The following IMPG2 variants were observed in gnomAD, a reference collection of about 807,000 sequenced individuals.
IMPG2 encodes the protein interphotoreceptor matrix proteoglycan 2, also known as IPM 200.
A neutral mutation model predicts 129.2 loss-of-function variants in IMPG2; 91 were observed. That is an observed-to-expected ratio of 0.70 (90% CI 0.59 to 0.84). The LOEUF (loss-of-function observed/expected upper bound fraction) is 0.84. IMPG2 is among the 40% of genes least tolerant of loss of function. The probability of loss-of-function intolerance (pLI) is 0.00; values close to 1 mark genes in which losing one functional copy is unlikely to be tolerated. For synonymous variants in IMPG2, 510 were observed against 517.7 expected, an observed-to-expected ratio of 0.99 and a Z score of 0.20; for missense variants, 1,430 against 1,461.7, an observed-to-expected ratio of 0.98 and a Z score of 0.35.
At chr3:101,310,162 C>G (rs1188798312) in intron 2 of IMPG2, among the ~76,000 whole-genome samples, 1 of 152,130 alleles carries the variant, frequency 6.6e-6, no homozygotes, top group South Asian at 2.1e-4. Context: ...GTAAATTTCA[C>G]CTTTAAGAAA....
chr3:101,281,728 C>T (rs991676207), intron 4 of IMPG2, among the ~76,000 whole-genome samples: 3 of 152,108 alleles, frequency 2.0e-5, no homozygotes, highest in African/African-American at 7.2e-5. Flanking sequence ...CCAGTAGGCT[C>T]CATGTAATCA....
At chr3:101,304,360 G>C in intron 2 of IMPG2, 48 bp from the exon 3 acceptor site, 1 of 1,539,800 alleles carries the variant, frequency 6.5e-7, no homozygotes, top group Non-Finnish European at 9.0e-7. Context: ...CATGCTCTGG[G>C]GTTCTTACAA....
chr3:101,252,820 C>A (rs1210041485), intron 11 of IMPG2, among the ~76,000 whole-genome samples: 6 of 152,062 alleles, frequency 3.9e-5, no homozygotes, highest in African/African-American at 1.4e-4. Flanking sequence ...GAATTTCCAT[C>A]GCTCCATTAA....
chr3:101,239,308 T>A (rs532783824), intron 14 of IMPG2, among the ~76,000 whole-genome samples: 92 of 152,128 alleles, frequency 6.0e-4, no homozygotes, highest in Non-Finnish European at 1.1e-3. Flanking sequence ...AAGAAAACAT[T>A]TATGCAGCTA....
intron 2 of IMPG2, among the ~76,000 whole-genome samples, chr3:101,318,120 A>G (rs921319123): frequency 6.7e-6 from 1 of 149,912 alleles, no homozygotes; most frequent in South Asian, 2.1e-4. Flanking sequence ...TGGGCGACAG[A>G]ATGTGAGTAT....
chr3:101,265,248 G>T (rs1386209198), intron 9 of IMPG2, among the ~76,000 whole-genome samples: 1 of 151,856 alleles, frequency 6.6e-6, no homozygotes, highest in Non-Finnish European at 1.5e-5. Context: ...GCAATCCTAA[G>T]AAAAAATAAC....
rs75852013 is a variant in IMPG2, at chr3:101,226,088, A to G, written c.*881T>C. On this transcript the variant is annotated 3_prime_UTR_variant, in exon 19 of 19. Coordinates refer to ENST00000193391, the MANE Select transcript of IMPG2 (RefSeq NM_016247.4). ...TTTGCCCAAGACATCTTTAGATTTC[A>G]GAAGCAATCAGGGAACCTCAGTCCA... The G allele has an allele frequency of 0.13, 20,130 of 154,134 alleles. 1,389 individuals are homozygous for G. The highest frequency in any genetic ancestry group is 0.18 in the Middle Eastern group (350 of 1,926). 9.5% of individuals were successfully genotyped at this position (154,134 alleles called of 1,614,324 possible).
At chr3:101,289,183 A>G (rs779113010) in intron 4 of IMPG2, among the ~76,000 whole-genome samples, 1 of 152,152 alleles carries the variant, frequency 6.6e-6, no homozygotes, top group Admixed American at 6.5e-5. Flanking sequence ...ATTTTGTGCA[A>G]TTACTGATTT....
chr3:101,319,793 T>C lies in IMPG2; in HGVS notation c.125A>G (p.Lys42Arg). 1.2e-6 allele frequency: 2 copies of C among 1,613,128 alleles called. No individual in the cohort carries two copies. The highest frequency in any genetic ancestry group is 1.7e-6 in the Non-Finnish European group (2 of 1,179,606). ...YLSIEEIQEP[K>R]SAVSFLLPEE... ...AGGCAGGAGAAAAGAAACTGCACTC[T>C]TGGGTTCTTGGATCTCCTCTATAGA... is the stretch of plus-strand genomic sequence containing the variant. The change falls in exon 2 of 19, where the codon AAG (lysine) becomes AGG (arginine). Residue 42 changes from lysine (K) to arginine (R), a missense_variant. Coordinates refer to ENST00000193391, the MANE Select transcript of IMPG2 (RefSeq NM_016247.4).
intron 16 of IMPG2, among the ~76,000 whole-genome samples, chr3:101,230,127 G>A (rs1247327291): frequency 1.3e-5 from 2 of 152,186 alleles, no homozygotes; most frequent in Admixed American, 1.3e-4. Context: ...ACAGTCTAAT[G>A]AAAAGTCAGA....
At chr3:101,308,289 C>T (rs954567127) in intron 2 of IMPG2, among the ~76,000 whole-genome samples, 3 of 152,248 alleles carry the variant, frequency 2.0e-5, no homozygotes, top group Non-Finnish European at 2.9e-5. Context: ...TGTGGGGCCC[C>T]AACCCCACAT....
In IMPG2 at chr3:101,320,289, T is replaced by A; in HGVS notation, c.84A>T (p.Thr28=). Residue 28 remains threonine (T), a splice_region_variant and synonymous_variant, in exon 1 of 19, where the codon ACA becomes ACT. Transcript: ENST00000193391. ...VLIEGDFPSL[T]AQTYLSIEEI... ...AAACAAATGTAGATTTTTAAATACC[T>A]GTTAATGATGGAAAGTCTCCTTCTA... 6.6e-7 allele frequency: 1 copy of A among 1,514,248 alleles called. No homozygotes were observed. Among genetic ancestry groups the A allele is most frequent in the Non-Finnish European group, 9.2e-7 (1 of 1,090,108 alleles). The allele number at this position is 1,514,248 out of a possible 1,614,324, so 93.8% of individuals were successfully genotyped here.
intron 16 of IMPG2, among the ~76,000 whole-genome samples, chr3:101,230,716 T>C (rs566393598): frequency 6.6e-6 from 1 of 152,344 alleles, no homozygotes; most frequent in Non-Finnish European, 1.5e-5. Flanking sequence ...CTTTTAAGAC[T>C]CTTTCCCCAG....
Position 101,273,589 on chromosome 3 carries a change from TA to T in IMPG2, c.819del (p.Phe273LeufsTer33). ...TTTTTTTAATCACCCACCTCTGAAATAAATTCTTCTTCAAGGTGCTGGTGGT... is the reference window on the plus strand; with the variant it reads ...TTTTTTTAATCACCCACCTCTGAAATAATTCTTCTTCAAGGTGCTGGTGGT... ...SFHHQHLEEE[F>X]ISEVENAFTG... On this transcript the variant is annotated frameshift_variant, in exon 7 of 19. Transcript: ENST00000193391. LOFTEE classifies it high-confidence loss of function. 6.2e-7 allele frequency: 1 copy of T among 1,613,898 alleles called. No homozygotes were observed. The highest frequency in any genetic ancestry group is 8.5e-7 in the Non-Finnish European group (1 of 1,179,950).
At chr3:101,248,323 C>T (rs1189258523) in intron 11 of IMPG2, among the ~76,000 whole-genome samples, 2 of 152,152 alleles carry the variant, frequency 1.3e-5, no homozygotes. Context: ...TGTCTAACAC[C>T]ATGTGACACG....
chr3:101,255,770 C>A (rs1487873529), intron 10 of IMPG2, among the ~76,000 whole-genome samples: 2 of 151,986 alleles, frequency 1.3e-5, no homozygotes, highest in South Asian at 2.1e-4. Context: ...TTTATCTAGC[C>A]CTAGTATTCC....
intron 14 of IMPG2, among the ~76,000 whole-genome samples, chr3:101,238,179 T>C (rs150484923): frequency 0.019 from 2,833 of 151,646 alleles, 83 homozygotes; most frequent in African/African-American, 0.065. Flanking sequence ...GAAAAAACAA[T>C]GAAAAGGAAC....
chr3:101,267,471 T>A, intron 9 of IMPG2, 40 bp downstream of exon 9: 2 of 1,575,884 alleles, frequency 1.3e-6, no homozygotes, highest in Non-Finnish European at 1.7e-6. Flanking sequence ...CTAAACTGTC[T>A]CCCAATTCAA....
intron 18 of IMPG2, among the ~76,000 whole-genome samples, chr3:101,227,391 C>G (rs138782732): frequency 1.3e-5 from 2 of 152,286 alleles, no homozygotes; most frequent in East Asian, 1.9e-4. Context: ...TTCATAGACT[C>G]TGTGTGTGTA....
Sources: gnomAD v4.1 joint callset for allele counts (sites outside exome capture counted in the v4.1 genomes callset) on GRCh38, gnomAD v4.1.1 for gene constraint, MANE v1.5 for transcripts, NCBI Gene and HGNC (gene_info 2026-07-23, HGNC 2026-07-21) for gene names.